NTRK2: variants seen among roughly 807,000 people sequenced by gnomAD.
NTRK2 encodes BDNF/NT-3 growth factors receptor.
NTRK2 carries 13 observed loss-of-function variants against 94.5 expected under a neutral mutation model. That is an observed-to-expected ratio of 0.14 (90% confidence interval 0.09 to 0.22). NTRK2 has a LOEUF of 0.22. NTRK2 is among the 10% of genes least tolerant of loss of function. The probability of loss-of-function intolerance (pLI) is 1.00; values close to 1 mark genes in which losing one functional copy is unlikely to be tolerated. For synonymous variants in NTRK2, 372 were observed against 407.4 expected (o/e 0.91, Z 1.05); for missense variants, 639 against 1,071.2 (o/e 0.60, Z 5.63).
chr9:84,732,334 T>A (rs915916194), intron 9 of NTRK2, among the ~76,000 whole-genome samples: 11 of 152,340 alleles, frequency 7.2e-5, no homozygotes, highest in African/African-American at 2.6e-4. Flanking sequence ...ACTATTTTGT[T>A]TGATTACATT....
intron 17 of NTRK2, among the ~76,000 whole-genome samples, chr9:84,961,886 C>T (rs753240296): frequency 6.6e-6 from 1 of 152,170 alleles, no homozygotes; most frequent in Non-Finnish European, 1.5e-5. Flanking sequence ...TAAATTGTTC[C>T]ATTTGCAAGG....
chr9:84,897,697 G>T (rs2076800442), intron 14 of NTRK2, among the ~76,000 whole-genome samples: 1 of 152,188 alleles, frequency 6.6e-6, no homozygotes, highest in South Asian at 2.1e-4. Context: ...GAGTGTGGAA[G>T]CAAGCCCTTC....
intron 2 of NTRK2, among the ~76,000 whole-genome samples, chr9:84,672,795 T>C (rs968566118): frequency 6.6e-6 from 1 of 152,226 alleles, no homozygotes; most frequent in Non-Finnish European, 1.5e-5. Context: ...GCCTGATGTA[T>C]ATGAAATCAA....
At chr9:84,975,681 A>G (rs555837070) in intron 17 of NTRK2, among the ~76,000 whole-genome samples, 123 of 152,296 alleles carry the variant, frequency 8.1e-4, no homozygotes, top group Middle Eastern at 3.4e-3. Flanking sequence ...TGGAATTATC[A>G]TATTTTCAAA....
At chr9:84,766,560 G>A (rs990148463) in intron 12 of NTRK2, among the ~76,000 whole-genome samples, 1 of 151,992 alleles carries the variant, frequency 6.6e-6, no homozygotes, top group Non-Finnish European at 1.5e-5. Context: ...GATATCTCAT[G>A]CGGGGAGAGT....
chr9:84,789,091 C>A (rs2068445812), intron 12 of NTRK2, among the ~76,000 whole-genome samples: 3 of 152,280 alleles, frequency 2.0e-5, no homozygotes, highest in African/African-American at 7.2e-5. Context: ...GAAAAGCCAG[C>A]TCTCAAACCA....
At chr9:84,794,152 T>G (rs972975718) in intron 12 of NTRK2, among the ~76,000 whole-genome samples, 1 of 152,050 alleles carries the variant, frequency 6.6e-6, no homozygotes, top group Non-Finnish European at 1.5e-5. Flanking sequence ...CATCCAGGAG[T>G]ATTTTAGCCT....
chr9:84,874,471 G>C (rs2075993355), intron 14 of NTRK2: 1 of 1,065,852 alleles, frequency 9.4e-7, no homozygotes, highest in African/African-American at 1.6e-5. Flanking sequence ...TGTCATGCCA[G>C]GTCTCCTTCC....
rs537760278 is a variant in NTRK2, at chr9:84,947,927, G to A, written c.1765-535G>A. 5.4e-4 allele frequency among the ~76,000 whole-genome samples: 82 copies of A among 152,268 alleles called. 3 individuals carry two copies. Among genetic ancestry groups the A allele is most frequent in the African/African-American group, 1.7e-3 (71 of 41,554 alleles). ...TTGGCAGCATGACCACTCTTCTTGC[G>A]GCTTGCTGGGCAGGGATGTTTTGTG... On this transcript the variant is annotated intron_variant, in intron 15 of 18. Transcript: ENST00000277120.
At chr9:84,698,441 A>G (rs965134903) in intron 2 of NTRK2, among the ~76,000 whole-genome samples, 7 of 152,066 alleles carry the variant, frequency 4.6e-5, no homozygotes, top group Admixed American at 3.9e-4. Context: ...TTATGGATGG[A>G]CACTCGGGTT....
chr9:84,683,990 A>G (rs1335618305), intron 2 of NTRK2, among the ~76,000 whole-genome samples: 1 of 151,814 alleles, frequency 6.6e-6, no homozygotes, highest in African/African-American at 2.4e-5. Flanking sequence ...GGCCACATAA[A>G]CGTCTTGTTT....
At chr9:84,744,855 G>A in intron 10 of NTRK2, 118 bp from the exon 11 acceptor site, 1 of 814,186 alleles carries the variant, frequency 1.2e-6, no homozygotes, top group Non-Finnish European at 2.2e-6. Flanking sequence ...AGACTGTCGG[G>A]GGTTTGGAAT....
chr9:84,972,629 T>C (rs1826315391), intron 17 of NTRK2, among the ~76,000 whole-genome samples: 3 of 152,220 alleles, frequency 2.0e-5, no homozygotes, highest in Admixed American at 1.3e-4. Context: ...CTTTGATGTG[T>C]TTTTGGGGTT....
chr9:84,849,201 C>T (rs1354086806), intron 12 of NTRK2, among the ~76,000 whole-genome samples: 1 of 152,088 alleles, frequency 6.6e-6, no homozygotes, highest in Admixed American at 6.6e-5. Context: ...GCAGGGGGGA[C>T]TCTATTCATT....
At chr9:84,811,627 C>G (rs202017888) in intron 12 of NTRK2, 1 of 1,065,102 alleles carries the variant, frequency 9.4e-7, no homozygotes, top group Non-Finnish European at 1.1e-6. Flanking sequence ...GAAGGATAGT[C>G]CCCCCTACAA....
intron 12 of NTRK2, among the ~76,000 whole-genome samples, chr9:84,849,314 A>T (rs1197892809): frequency 2.0e-5 from 3 of 152,114 alleles, no homozygotes; most frequent in African/African-American, 7.2e-5. Context: ...CCCAGGACTG[A>T]CTATTCAATT....
At chr9:84,891,513 T>C (rs1421853133) in intron 14 of NTRK2, among the ~76,000 whole-genome samples, 3 of 152,188 alleles carry the variant, frequency 2.0e-5, no homozygotes, top group Non-Finnish European at 4.4e-5. Context: ...GTATAAGCTG[T>C]GGCAATATGC....
At chr9:84,846,828 A>G (rs1437481015) in intron 12 of NTRK2, among the ~76,000 whole-genome samples, 5 of 152,092 alleles carry the variant, frequency 3.3e-5, no homozygotes, top group Non-Finnish European at 2.9e-5. Flanking sequence ...CTGAATCTCC[A>G]TTTATCTAGT....
intron 12 of NTRK2, among the ~76,000 whole-genome samples, chr9:84,838,830 T>C (rs1387835348): frequency 6.6e-6 from 1 of 152,078 alleles, no homozygotes; most frequent in East Asian, 1.9e-4. Context: ...CTTTAAAATA[T>C]AAAATAACAC....
Sources: allele counts gnomAD v4.1 joint callset (sites outside exome capture counted in the v4.1 genomes callset), GRCh38; gene constraint gnomAD v4.1.1; transcripts MANE v1.5; gene names NCBI Gene and HGNC (gene_info 2026-07-23, HGNC 2026-07-21).